Variants in SYT14 observed in about 807,000 individuals in gnomAD.
SYT14 encodes synaptotagmin-14.
SYT14 carries 32 observed loss-of-function variants against 74.2 expected under a neutral mutation model. The observed-to-expected ratio is 0.43, with a 90% confidence interval of 0.33 to 0.58. SYT14 has a LOEUF of 0.58. Ranked by LOEUF, SYT14 falls within the 20% of genes least tolerant of loss-of-function variation. The pLI, the probability that SYT14 is intolerant of heterozygous loss-of-function variation, is 0.05. For missense variants in SYT14, 791 were observed against 981.8 expected (o/e 0.81, Z 2.60); for synonymous variants, 298 against 337.7 (o/e 0.88, Z 1.29).
intron 2 of SYT14, among the ~76,000 whole-genome samples, chr1:209,990,563 A>ATATATATGTATATATATACACG (rs2079661980): frequency 5.4e-5 from 6 of 111,566 alleles, no homozygotes; most frequent in Non-Finnish European, 7.9e-5. Flanking sequence ...ATATATACGT[A>ATATATATGTATATATATACACG]TATATATGTA....
chr1:209,999,587 C>T (rs1000037799), intron 2 of SYT14, among the ~76,000 whole-genome samples: 3 of 152,052 alleles, frequency 2.0e-5, no homozygotes, highest in East Asian at 1.9e-4. Context: ...AGAATGAAAC[C>T]TTGTCATTTG....
chr1:209,993,113 TG>T, intron 2 of SYT14, among the ~76,000 whole-genome samples: 1 of 152,292 alleles, frequency 6.6e-6, no homozygotes, highest in Admixed American at 6.5e-5. Context: ...GGAGTTTTTG[TG>T]GGCTGGGTAG....
chr1:210,144,456 A>G (rs1330590278), intron 7 of SYT14, among the ~76,000 whole-genome samples: 2 of 151,976 alleles, frequency 1.3e-5, no homozygotes, highest in Non-Finnish European at 2.9e-5. Context: ...CCTGTAACAG[A>G]CCCCCGTAAA....
chr1:210,089,112 G>A (rs1354603169), intron 5 of SYT14, among the ~76,000 whole-genome samples: 2 of 152,054 alleles, frequency 1.3e-5, no homozygotes, highest in African/African-American at 4.8e-5. Context: ...TCCCACTTAT[G>A]AGTGAGAACA....
chr1:210,134,395 C>T (rs1479818525), intron 7 of SYT14, among the ~76,000 whole-genome samples: 1 of 152,128 alleles, frequency 6.6e-6, no homozygotes, highest in Non-Finnish European at 1.5e-5. Context: ...GTGTGAGCCA[C>T]CACACCCTGT....
intron 7 of SYT14, among the ~76,000 whole-genome samples, chr1:210,120,904 T>C (rs2082448119): frequency 6.6e-6 from 1 of 152,204 alleles, no homozygotes; most frequent in Non-Finnish European, 1.5e-5. Context: ...CATTTGTGAT[T>C]TGTCACAAAA....
chr1:210,096,523 G>A (rs995282460), intron 6 of SYT14, among the ~76,000 whole-genome samples: 1 of 152,196 alleles, frequency 6.6e-6, no homozygotes, highest in African/African-American at 2.4e-5. Context: ...CACACTGTGT[G>A]AGTCCTGTTT....
At chr1:209,950,542 A>G (rs2078895747) in intron 1 of SYT14, among the ~76,000 whole-genome samples, 1 of 152,124 alleles carries the variant, frequency 6.6e-6, no homozygotes, top group East Asian at 1.9e-4. Flanking sequence ...CATAGTTTTA[A>G]GTTAGGTGTT....
intron 6 of SYT14, among the ~76,000 whole-genome samples, chr1:210,095,778 T>C (rs1282755425): frequency 6.6e-6 from 1 of 152,236 alleles, no homozygotes; most frequent in Non-Finnish European, 1.5e-5. Flanking sequence ...TATCTGTTAT[T>C]GCTTTTTTTA....
At chr1:209,938,538 G>A (rs2078674423) in intron 1 of SYT14, among the ~76,000 whole-genome samples, 1 of 152,116 alleles carries the variant, frequency 6.6e-6, no homozygotes, top group East Asian at 1.9e-4. Flanking sequence ...GGGCAAAGCG[G>A]GCTGGCGGGC....
rs915211177 is a variant in SYT14 at position 210,162,213 on chromosome 1, C to A, written c.*1171C>A. 11 of 429,050 alleles carry A rather than the reference C, an allele frequency of 2.6e-5. No individual in the cohort carries two copies. The Admixed American group carries it at 2.7e-4, about 11-fold the overall frequency. 26.6% of individuals were successfully genotyped at this position (429,050 alleles called of 1,614,324 possible). ...CTTTATGAAATTAACAGATAAAGTT[C>A]TTCAACGTGATGTCATCTTGTGCCT... On this transcript the variant is annotated 3_prime_UTR_variant, in exon 10 of 10. Transcript: ENST00000637265.
At chr1:210,118,338 A>C (rs2082397487) in intron 7 of SYT14, among the ~76,000 whole-genome samples, 1 of 152,188 alleles carries the variant, frequency 6.6e-6, no homozygotes, top group Non-Finnish European at 1.5e-5. Flanking sequence ...TTCTTTGGGG[A>C]GTATCTAGAT....
chr1:210,091,414 C>T (rs936826538), intron 5 of SYT14, among the ~76,000 whole-genome samples: 1 of 152,188 alleles, frequency 6.6e-6, no homozygotes, highest in Admixed American at 6.5e-5. Flanking sequence ...ACAGGCCTGG[C>T]GCAGTGCCTT....
intron 4 of SYT14, among the ~76,000 whole-genome samples, chr1:210,020,795 GCTT>G (rs1371820161): frequency 6.6e-6 from 1 of 151,934 alleles, no homozygotes; most frequent in African/African-American, 2.4e-5. Context: ...CAAAGCTTGG[GCTT>G]CTTATGTGAA....
chr1:210,010,296 A>C (rs1011544946), intron 2 of SYT14, among the ~76,000 whole-genome samples: 1 of 152,102 alleles, frequency 6.6e-6, no homozygotes, highest in Non-Finnish European at 1.5e-5. Flanking sequence ...ATACACATAC[A>C]TTCATTCATT....
chr1:210,000,185 G>A (rs533499958), intron 2 of SYT14, among the ~76,000 whole-genome samples: 1 of 151,866 alleles, frequency 6.6e-6, no homozygotes, highest in African/African-American at 2.4e-5. Context: ...CCCTATTTTA[G>A]TGTACAGTAT....
chr1:210,151,451 G>T (rs1174350883), intron 7 of SYT14, among the ~76,000 whole-genome samples: 1 of 150,796 alleles, frequency 6.6e-6, no homozygotes, highest in Non-Finnish European at 1.5e-5. Flanking sequence ...AACTCCTGGG[G>T]TCAAGTGGTT....
intron 7 of SYT14, among the ~76,000 whole-genome samples, chr1:210,138,181 T>C (rs1210663867): frequency 6.6e-6 from 1 of 152,190 alleles, no homozygotes. Flanking sequence ...TCCACATGAC[T>C]GGGGAAGTCT....
At chr1:210,000,466 G>GCACA (rs375046637) in intron 2 of SYT14, among the ~76,000 whole-genome samples, 3,519 of 143,162 alleles carry the variant, frequency 0.025, 50 homozygotes, top group Non-Finnish European at 0.029. Flanking sequence ...GTCCTCATAC[G>GCACA]CACACACACA....
Sources: gnomAD v4.1 joint callset for allele counts (sites outside exome capture counted in the v4.1 genomes callset) on GRCh38, gnomAD v4.1.1 for gene constraint, MANE v1.5 for transcripts, NCBI Gene and HGNC (gene_info 2026-07-23, HGNC 2026-07-21) for gene names.